ARSB: variants seen among roughly 807,000 people sequenced by gnomAD.
ARSB encodes the protein arylsulfatase B, also known as N-acetylgalactosamine-4-sulfatase.
Under a neutral mutation model 50.9 loss-of-function variants are expected in ARSB, and 41 were observed. The observed-to-expected ratio is 0.81, with a 90% CI of 0.63 to 1.04. The LOEUF is 1.04. Among genes scored for constraint, ARSB ranks in the 50% least tolerant of loss-of-function variants. The pLI is 0.00. For synonymous variants in ARSB, 269 were observed against 284.8 expected, an observed-to-expected ratio of 0.94 and a Z score of 0.56; for missense variants, 672 against 693.3, an observed-to-expected ratio of 0.97 and a Z score of 0.35.
In ARSB at chr5:78,834,607, G is replaced by GTGTGTATATA. The variant is rs1185355030; in HGVS notation, c.1213+4748_1213+4749insTATATACACA. ...ATACTATTTCATGGTATATATATGT[G>GTGTGTATATA]TATATATATATATATATATATATAT... is the stretch of plus-strand genomic sequence containing the variant. On this transcript the variant is annotated intron_variant, in intron 6 of 7. Coordinates refer to ENST00000264914, the MANE Select transcript of ARSB (RefSeq NM_000046.5). 8.5e-3 allele frequency among the ~76,000 whole-genome samples: 728 copies of GTGTGTATATA among 85,608 alleles called. 19 individuals are homozygous for GTGTGTATATA. The highest frequency in any genetic ancestry group is 0.02 in the East Asian group (48 of 2,422). The allele number at this position is 85,608 out of a possible 152,430, so 56.2% of individuals were successfully genotyped here. A position where few individuals can be genotyped will look rare whatever the true frequency, so the allele number is the denominator to read the frequency against.
intron 4 of ARSB, among the ~76,000 whole-genome samples, chr5:78,937,279 TGTAAG>T (rs1750649862): frequency 7.2e-6 from 1 of 138,208 alleles, no homozygotes; most frequent in Non-Finnish European, 1.6e-5. Context: ...TACATATATA[TGTAAG>T]ATATATATAT....
chr5:78,918,642 C>T (rs1651977461), intron 4 of ARSB, among the ~76,000 whole-genome samples: 1 of 152,062 alleles, frequency 6.6e-6, no homozygotes, highest in Admixed American at 6.6e-5. Flanking sequence ...ACTTTCAAGA[C>T]CTCTTCTTAA....
At chr5:78,802,150 A>G (rs1485569791) in intron 6 of ARSB, among the ~76,000 whole-genome samples, 1 of 151,350 alleles carries the variant, frequency 6.6e-6, no homozygotes, top group Admixed American at 6.6e-5. Context: ...ACTTTCTACA[A>G]CTCCTTGCCT....
At chr5:78,790,076 G>A (rs955259100) in intron 6 of ARSB, among the ~76,000 whole-genome samples, 1 of 152,154 alleles carries the variant, frequency 6.6e-6, no homozygotes, top group African/African-American at 2.4e-5. Context: ...ACAATGAGCT[G>A]GACATGATTG....
At chr5:78,856,555 G>C (rs1283653684) in intron 5 of ARSB, among the ~76,000 whole-genome samples, 4 of 152,230 alleles carry the variant, frequency 2.6e-5, no homozygotes, top group Admixed American at 2.6e-4. Context: ...TGGAGAAAAA[G>C]TGTATGTTGT....
intron 6 of ARSB, among the ~76,000 whole-genome samples, chr5:78,796,908 C>G (rs553535085): frequency 7.7e-6 from 1 of 129,658 alleles, no homozygotes; most frequent in Non-Finnish European, 1.6e-5. Context: ...GACAGAGTCT[C>G]GCTCTGTCGC....
At chr5:78,784,470 A>C (rs1203417186) in intron 6 of ARSB, among the ~76,000 whole-genome samples, 3 of 152,258 alleles carry the variant, frequency 2.0e-5, no homozygotes, top group African/African-American at 7.2e-5. Context: ...ATATAGACAC[A>C]ATGGAATACT....
rs1439330540 is a variant in ARSB at position 78,815,990 on chromosome 5, AGCCACCCGAG to A, written c.1213+23356_1213+23365del. The A allele has an allele frequency of 3.9e-6, 6 of 1,556,534 alleles. 1 individual carries two copies. ...CCGCCTCTTCTGCCACTTCTGCAGG[AGCCACCCGAG>A]GCCTTGAGGGGCCCTTTCAGAACCT... is the stretch of plus-strand genomic sequence containing the variant. On this transcript the variant is annotated intron_variant, in intron 6 of 7. Coordinates refer to ENST00000264914, the MANE Select transcript of ARSB (RefSeq NM_000046.5).
intron 4 of ARSB, among the ~76,000 whole-genome samples, chr5:78,920,658 C>T (rs1419824206): frequency 1.5e-5 from 2 of 131,346 alleles, no homozygotes; most frequent in South Asian, 2.5e-4. Context: ...GAGCATCCCT[C>T]GGCACCTGGA....
chr5:78,836,302 C>T (rs976396206), intron 6 of ARSB, among the ~76,000 whole-genome samples: 1 of 152,066 alleles, frequency 6.6e-6, no homozygotes, highest in Non-Finnish European at 1.5e-5. Flanking sequence ...GCAGAGAACG[C>T]TGTGTGTGTG....
At chr5:78,849,617 T>C (rs1279015468) in intron 5 of ARSB, among the ~76,000 whole-genome samples, 2 of 151,904 alleles carry the variant, frequency 1.3e-5, no homozygotes, top group Non-Finnish European at 2.9e-5. Context: ...GGTAGCTTGA[T>C]GGGGATGGCA....
chr5:78,964,303 T>C (rs1384704591), intron 3 of ARSB, 113 bp downstream of exon 3: 6 of 1,068,732 alleles, frequency 5.6e-6, no homozygotes, highest in Non-Finnish European at 8.4e-6. Context: ...GAAAAGGACT[T>C]CCCTAGAATT....
intron 6 of ARSB, among the ~76,000 whole-genome samples, chr5:78,832,769 C>T (rs59952010): frequency 0.33 from 49,736 of 151,886 alleles, 8,377 homozygotes; most frequent in South Asian, 0.47. Context: ...AGTAACAAAG[C>T]TGTATGGAAT....
chr5:78,800,722 T>C (rs566905659), intron 6 of ARSB, among the ~76,000 whole-genome samples: 6 of 152,182 alleles, frequency 3.9e-5, no homozygotes, highest in Non-Finnish European at 8.8e-5. Context: ...TAAAAGGCAA[T>C]ACATGATAAA....
intron 4 of ARSB, among the ~76,000 whole-genome samples, chr5:78,918,437 T>G (rs751849537): frequency 4.6e-5 from 7 of 152,186 alleles, no homozygotes; most frequent in Non-Finnish European, 8.8e-5. Flanking sequence ...TAGTTTTAGA[T>G]ATACAGAAAT....
chr5:78,839,379 G>A lies in ARSB; in HGVS notation c.1190C>T (p.Pro397Leu), dbSNP rs367922842. ...ACACGGTGAAGAGTCCACGAAGTTC[G>A]GGTCAATATTATGCAGCAGCTCAAT... ...PRIELLHNID[P>L]NFVDSSPCPR... Residue 397 changes from proline to leucine, a missense_variant, in exon 6 of 8, where the codon CCG becomes CTG. Transcript: ENST00000264914. 5 of 1,613,666 alleles carry A rather than the reference G, an allele frequency of 3.1e-6. No individual in the cohort carries two copies. Among genetic ancestry groups the A allele is most frequent in the East Asian group, 2.2e-5 (1 of 44,872 alleles).
chr5:78,940,744 C>T (rs1362807898), intron 4 of ARSB, among the ~76,000 whole-genome samples: 1 of 152,128 alleles, frequency 6.6e-6, no homozygotes, highest in Non-Finnish European at 1.5e-5. Flanking sequence ...GTTCTTTTGG[C>T]TTAGGATTGA....
intron 2 of ARSB, among the ~76,000 whole-genome samples, chr5:78,968,286 C>A (rs191801488): frequency 1.5e-4 from 23 of 150,036 alleles, no homozygotes; most frequent in Admixed American, 1.5e-3. Context: ...ACACACCAAA[C>A]CTTTGTGAAG....
At chr5:78,916,816 A>G (rs1472026117) in intron 4 of ARSB, among the ~76,000 whole-genome samples, 2 of 152,060 alleles carry the variant, frequency 1.3e-5, no homozygotes, top group Non-Finnish European at 2.9e-5. Flanking sequence ...TTATAAACAC[A>G]TAGATACACA....
Sources: gnomAD v4.1 joint callset for allele counts (sites outside exome capture counted in the v4.1 genomes callset) on GRCh38, gnomAD v4.1.1 for gene constraint, MANE v1.5 for transcripts, NCBI Gene and HGNC (gene_info 2026-07-23, HGNC 2026-07-21) for gene names.